Variants in SC5D observed in about 807,000 individuals in gnomAD.
The protein encoded by SC5D is lathosterol oxidase.
In SC5D, 21 loss-of-function variants were observed where a neutral mutation model predicts 23.9. The observed-to-expected ratio is 0.88, with a 90% CI of 0.62 to 1.26. SC5D has a LOEUF of 1.26. Ranked by LOEUF, SC5D falls within the 50% of genes most tolerant of loss-of-function variation. The pLI is 0.00. For missense variants in SC5D, 309 were observed against 364.8 expected (o/e 0.85, Z 1.25); for synonymous variants, 113 against 125.9 (o/e 0.90, Z 0.68).
rs1948017412 is a variant in SC5D at position 121,312,367 on chromosome 11, G to C, written c.*4855G>C. Among the ~76,000 whole-genome samples the C allele has an allele frequency of 6.6e-6, 1 of 152,106 alleles. No individual in the cohort carries two copies. The highest frequency in any genetic ancestry group is 2.1e-4 in the South Asian group (1 of 4,836). On this transcript the variant is annotated 3_prime_UTR_variant, in exon 5 of 5. Transcript: ENST00000264027. ...TTGAAGATATAAGAACAGTAAATTT[G>C]ATAAAAATGAGAAATTACATTCCCA...
chr11:121,303,339 T>C, intron 1 of SC5D, 27 bp from the exon 2 acceptor site: 1 of 1,591,344 alleles, frequency 6.3e-7, no homozygotes, highest in Non-Finnish European at 8.6e-7. Context: ...ACATGGTAAC[T>C]AATTGTCACA....
In SC5D at chr11:121,310,363, G is replaced by A. The variant is rs1227998100; in HGVS notation, c.*2851G>A. ...CAGTGAGATAGTATGTAGAGGTGGG[G>A]CCTTGAGGAAGTGATTAAGTCATGA... is the stretch of plus-strand genomic sequence containing the variant. On this transcript the variant is annotated 3_prime_UTR_variant, in exon 5 of 5. Transcript: ENST00000264027. 3.3e-5 allele frequency among the ~76,000 whole-genome samples: 5 copies of A among 152,234 alleles called. No individual in the cohort carries two copies. The highest frequency in any genetic ancestry group is 1.3e-4 in the Admixed American group (2 of 15,296).
In SC5D at chr11:121,312,713, G is replaced by A. The variant is rs1948020241; in HGVS notation, c.*5201G>A. On this transcript the variant is annotated 3_prime_UTR_variant, in exon 5 of 5. Transcript: ENST00000264027. ...CTATAATTGCACTACTGCACTCCAC[G>A]CTGGGTGACAGAGCAAGACCCTATC... Among the ~76,000 whole-genome samples, 1 of 151,862 alleles carries A rather than the reference G, an allele frequency of 6.6e-6. No homozygotes were observed. The highest frequency in any genetic ancestry group is 6.6e-5 in the Admixed American group (1 of 15,258).
intron 1 of SC5D, among the ~76,000 whole-genome samples, chr11:121,299,073 C>T (rs568455522): frequency 4.3e-4 from 65 of 152,202 alleles, no homozygotes; most frequent in African/African-American, 1.4e-3. Context: ...CTGACAATAG[C>T]GGGAAGATAG....
At chr11:121,302,025 A>T (rs550019334) in intron 1 of SC5D, among the ~76,000 whole-genome samples, 1 of 152,328 alleles carries the variant, frequency 6.6e-6, no homozygotes, top group African/African-American at 2.4e-5. Flanking sequence ...AGTGACATGG[A>T]TGGAAGCAAG....
At chr11:121,295,971 T>G (rs956768417) in intron 1 of SC5D, among the ~76,000 whole-genome samples, 3 of 152,204 alleles carry the variant, frequency 2.0e-5, no homozygotes, top group African/African-American at 7.2e-5. Context: ...TCATTTTCTC[T>G]GGGTTATTCT....
At chr11:121,305,124 A>G (rs1947954445) in intron 3 of SC5D, 1 of 152,280 alleles carries the variant, frequency 6.6e-6, no homozygotes, top group East Asian at 1.9e-4. Context: ...TTTTTGTATT[A>G]TAAACAGCCC....
At chr11:121,305,052 G>A (rs1340072774) in intron 3 of SC5D, 1 of 155,236 alleles carries the variant, frequency 6.4e-6, no homozygotes, top group Non-Finnish European at 1.4e-5. Flanking sequence ...TCATAGTACT[G>A]TGCGGATATT....
Position 121,307,096 on chromosome 11 carries a change from C to T in SC5D, c.484C>T (p.Pro162Ser). ...TCACCATATTTGGAAGATTCCTACT[C>T]CATTTGCAAGTCATGCTTTTCACCC... ...KPHHIWKIPT[P>S]FASHAFHPID... is the part of the protein sequence containing the mutation. Residue 162 changes from proline (P) to serine (S), a missense_variant, in exon 5 of 5, where the codon CCA becomes TCA. By Grantham distance (74) the Pro-to-Ser change is moderately conservative. Coordinates refer to ENST00000264027, the MANE Select transcript of SC5D (RefSeq NM_006918.5). 6.2e-7 allele frequency: 1 copy of T among 1,614,152 alleles called. No individual in the cohort carries two copies. The highest frequency in any genetic ancestry group is 8.5e-7 in the Non-Finnish European group (1 of 1,180,010).
At chr11:121,292,843 G>A (rs1188530336) in intron 1 of SC5D, 27 bp downstream of exon 1, 1 of 152,738 alleles carries the variant, frequency 6.5e-6, no homozygotes, top group Non-Finnish European at 1.5e-5. Context: ...GGCGGGGAAG[G>A]AAGCGGAATA....
rs1009044837 is a variant in SC5D, at chr11:121,312,332, T to G, written c.*4820T>G. On this transcript the variant is annotated 3_prime_UTR_variant, in exon 5 of 5. Coordinates refer to ENST00000264027, the MANE Select transcript of SC5D (RefSeq NM_006918.5). ...TTAAAATACAGCATTTTTAAATCTC[T>G]AAGCTCAACTTGAAGATATAAGAAC... is the stretch of plus-strand genomic sequence containing the variant. 2.6e-5 allele frequency among the ~76,000 whole-genome samples: 4 copies of G among 152,228 alleles called. No homozygotes were observed. Among genetic ancestry groups the G allele is most frequent in the African/African-American group, 9.6e-5 (4 of 41,478 alleles).
At chr11:121,304,169 C>T (rs1947945474) in intron 2 of SC5D, 192 bp from the exon 3 acceptor site, 2 of 549,016 alleles carry the variant, frequency 3.6e-6, no homozygotes, top group Admixed American at 3.2e-5. Flanking sequence ...ATACTTATTG[C>T]ATTTTCTCAG....
At position 121,310,984 on chromosome 11, in the gene SC5D, A is replaced by G. The variant is rs138274984; in HGVS notation, c.*3472A>G. 9.6e-4 allele frequency among the ~76,000 whole-genome samples: 146 copies of G among 152,338 alleles called. 2 individuals carry two copies. In the East Asian group the frequency reaches 0.024, roughly 25 times the overall value. ...AAGGGGGAAGAAATTTGCATTCCTGATCTTCCCAACTTCTTCAAATTCACA... is the reference window on the plus strand; with the variant it reads ...AAGGGGGAAGAAATTTGCATTCCTGGTCTTCCCAACTTCTTCAAATTCACA... On this transcript the variant is annotated 3_prime_UTR_variant, in exon 5 of 5. Coordinates refer to ENST00000264027, the MANE Select transcript of SC5D (RefSeq NM_006918.5).
chr11:121,298,683 A>G (rs906799914), intron 1 of SC5D, among the ~76,000 whole-genome samples: 43 of 152,204 alleles, frequency 2.8e-4, no homozygotes, highest in African/African-American at 1.0e-3. Context: ...TGATGGGGAC[A>G]TTGCTGAAAG....
chr11:121,306,678 G>A (rs542515870), intron 4 of SC5D, 192 bp downstream of exon 4: 43 of 680,088 alleles, frequency 6.3e-5, no homozygotes, highest in African/African-American at 3.0e-4. Flanking sequence ...CTTAAAATTC[G>A]TCTGTTCCGG....
intron 3 of SC5D, chr11:121,304,973 G>A (rs564522734): frequency 6.1e-6 from 1 of 165,076 alleles, no homozygotes; most frequent in African/African-American, 2.4e-5. Context: ...TCTGAATTTT[G>A]TTTCTCTTAG....
chr11:121,298,085 C>T (rs1947901421), intron 1 of SC5D, among the ~76,000 whole-genome samples: 1 of 152,134 alleles, frequency 6.6e-6, no homozygotes, highest in African/African-American at 2.4e-5. Context: ...TCACGGTAGC[C>T]TTGAACTCCT....
At chr11:121,294,801 G>T (rs1947877763) in intron 1 of SC5D, among the ~76,000 whole-genome samples, 1 of 152,182 alleles carries the variant, frequency 6.6e-6, no homozygotes, top group African/African-American at 2.4e-5. Flanking sequence ...TACTATTCTA[G>T]GTATTGTATT....
At position 121,303,436 on chromosome 11, in the gene SC5D, A is replaced by T. The variant is rs1279164614; in HGVS notation, c.61A>T (p.Thr21Ser). ...TTTTACACCATACGTGTATCCAGCC[A>T]CATGGCCAGAAGATGACATCTTCCG... ...YFFTPYVYPA[T>S]WPEDDIFRQA... The change falls in exon 2 of 5, where the codon ACA (threonine) becomes TCA (serine). Residue 21 changes from threonine (T) to serine (S), a missense_variant. Physicochemically the swap from Thr to Ser is moderately conservative, Grantham distance 58 (BLOSUM62 1). Coordinates refer to ENST00000264027, the MANE Select transcript of SC5D (RefSeq NM_006918.5). The T allele has an allele frequency of 1.9e-6, 3 of 1,613,904 alleles. No individual in the cohort carries two copies. In the African/African-American group the frequency reaches 4.0e-5, roughly 22 times the overall value.
Sources: gnomAD v4.1 joint callset for allele counts (sites outside exome capture counted in the v4.1 genomes callset) on GRCh38, gnomAD v4.1.1 for gene constraint, MANE v1.5 for transcripts, NCBI Gene and HGNC (gene_info 2026-07-23, HGNC 2026-07-21) for gene names.